The following SCN8A variants were observed in gnomAD, a reference collection of about 807,000 sequenced individuals.
SCN8A encodes the protein sodium voltage-gated channel alpha subunit 8, also known as sodium channel protein type 8 subunit alpha.
A neutral mutation model predicts 184.1 loss-of-function variants in SCN8A; 30 were observed. The observed-to-expected ratio is 0.16, with a 90% CI of 0.12 to 0.22. The LOEUF is 0.22. SCN8A is among the 10% of genes least tolerant of loss of function. The pLI is 1.00. For synonymous variants in SCN8A, 852 were observed against 907.0 expected, an observed-to-expected ratio of 0.94 and a Z score of 1.09; for missense variants, 1,057 against 2,498.9, an observed-to-expected ratio of 0.42 and a Z score of 12.30.
intron 12 of SCN8A, among the ~76,000 whole-genome samples, 153 bp from the exon 13 acceptor site, chr12:51,745,750 A>G (rs1476996309): frequency 6.6e-6 from 1 of 152,202 alleles, no homozygotes; most frequent in South Asian, 2.1e-4. Context: ...TAGCCAATTC[A>G]TTTCATTCTA....
At chr12:51,689,354 T>G in intron 6 of SCN8A, 1 of 407,840 alleles carries the variant, frequency 2.5e-6, no homozygotes. Flanking sequence ...TCTCACCATA[T>G]TTGAAAAAAT....
intron 6 of SCN8A, among the ~76,000 whole-genome samples, 175 bp from the exon 7 acceptor site, chr12:51,699,395 C>G (rs1941645743): frequency 6.6e-6 from 1 of 152,188 alleles, no homozygotes; most frequent in Non-Finnish European, 1.5e-5. Flanking sequence ...ATGGATACTT[C>G]TGGAATATTG....
rs1428529993 is a variant in SCN8A at position 51,810,292 on chromosome 12, ACT to A, written c.*2864_*2865del. On this transcript the variant is annotated 3_prime_UTR_variant, in exon 27 of 27. Transcript: ENST00000627620. ...TTTCCCACCTTTTTATCCTTCACCC[ACT>A]GTCCTTCCACCTGCTCACTCACTCA... 3.7e-6 allele frequency: 1 copy of A among 269,012 alleles called. No individual in the cohort carries two copies. The highest frequency in any genetic ancestry group is 7.8e-6 in the Non-Finnish European group (1 of 128,368). 16.7% of individuals were successfully genotyped at this position (269,012 alleles called of 1,614,324 possible).
intron 21 of SCN8A, among the ~76,000 whole-genome samples, chr12:51,781,662 G>GCA (rs767766702): frequency 3.4e-4 from 52 of 151,750 alleles, no homozygotes; most frequent in African/African-American, 7.5e-4. Context: ...GCACGCACGC[G>GCA]CACACACACA....
chr12:51,600,058 T>C (rs1939431286), intron 1 of SCN8A, among the ~76,000 whole-genome samples: 1 of 152,260 alleles, frequency 6.6e-6, no homozygotes. Context: ...TCTAATTTTC[T>C]AATTGTTTCT....
chr12:51,621,082 C>T (rs1180599188), intron 1 of SCN8A, among the ~76,000 whole-genome samples: 2 of 152,132 alleles, frequency 1.3e-5, no homozygotes, highest in Admixed American at 1.3e-4. Flanking sequence ...GTGGGGCTGG[C>T]TTTCTGGAAG....
intron 1 of SCN8A, among the ~76,000 whole-genome samples, chr12:51,632,414 C>T (rs1940215706): frequency 6.6e-6 from 1 of 152,152 alleles, no homozygotes; most frequent in Non-Finnish European, 1.5e-5. Flanking sequence ...TTGGGGCCTC[C>T]CTAGTTCTCC....
In SCN8A at chr12:51,810,487, A is replaced by G. The variant is rs1354242845; in HGVS notation, c.*3058A>G. On this transcript the variant is annotated 3_prime_UTR_variant, in exon 27 of 27. Transcript: ENST00000627620. ...TGCTTTGCCAAATATTAACGAAGCCAATCAAAGAGCAGCGCAGCCACAGTA... is the reference window on the plus strand; with the variant it reads ...TGCTTTGCCAAATATTAACGAAGCCGATCAAAGAGCAGCGCAGCCACAGTA... The G allele has an allele frequency of 1.8e-5, 8 of 440,224 alleles. No homozygotes were observed. Among genetic ancestry groups the G allele is most frequent in the Non-Finnish European group, 3.6e-5 (8 of 220,266 alleles). The allele number at this position is 440,224 out of a possible 1,614,324, so 27.3% of individuals were successfully genotyped here.
In SCN8A at chr12:51,605,020, C is replaced by T. The variant is rs1939556738; in HGVS notation, c.-55+13661C>T. The stretch of plus-strand genomic sequence containing the variant: ...CCTAACGTCCACCCTAAAGTAGGCC[C>T]AGGTGTCTGTTGTTCCCCTCTTCCT... On this transcript the variant is annotated intron_variant, in intron 1 of 26. Coordinates refer to ENST00000627620, the MANE Select transcript of SCN8A (RefSeq NM_001330260.2). 1.3e-5 allele frequency among the ~76,000 whole-genome samples: 2 copies of T among 152,108 alleles called. 1 individual carries two copies. Among genetic ancestry groups the T allele is most frequent in the Non-Finnish European group, 2.9e-5 (2 of 68,024 alleles).
intron 12 of SCN8A, chr12:51,722,708 G>C (rs527434010): frequency 6.6e-6 from 1 of 152,288 alleles, no homozygotes; most frequent in South Asian, 2.1e-4. Context: ...CATTTTATAT[G>C]GGGGAGGAAG....
chr12:51,702,457 A>C (rs560210179), intron 8 of SCN8A, among the ~76,000 whole-genome samples: 1 of 152,248 alleles, frequency 6.6e-6, no homozygotes, highest in African/African-American at 2.4e-5. Flanking sequence ...CATAAGAATC[A>C]CCTGGCATAC....
At chr12:51,685,826 C>G (rs1941410027) in intron 3 of SCN8A, among the ~76,000 whole-genome samples, 1 of 151,996 alleles carries the variant, frequency 6.6e-6, no homozygotes, top group Non-Finnish European at 1.5e-5. Context: ...CACTTGAGCC[C>G]AGGGCTTCAA....
At chr12:51,769,760 G>GGGGATGGCCATGGCT in intron 17 of SCN8A, 108 bp from the exon 18 acceptor site, 1 of 744,908 alleles carries the variant, frequency 1.3e-6, no homozygotes, top group Non-Finnish European at 2.3e-6. Context: ...AAGAATTCTA[G>GGGGATGGCCATGGCT]AGAGGAGTCA....
intron 12 of SCN8A, among the ~76,000 whole-genome samples, chr12:51,725,579 C>G (rs894805455): frequency 1.3e-5 from 2 of 152,114 alleles, no homozygotes; most frequent in African/African-American, 4.8e-5. Flanking sequence ...GCAGATGAGA[C>G]TCAGAGCGCT....
At chr12:51,656,432 G>A (rs374786177) in intron 1 of SCN8A, among the ~76,000 whole-genome samples, 169 of 152,072 alleles carry the variant, frequency 1.1e-3, no homozygotes, top group Non-Finnish European at 2.1e-3. Flanking sequence ...TAACATGAAG[G>A]AAAAGACTGA....
intron 12 of SCN8A, among the ~76,000 whole-genome samples, chr12:51,728,550 A>C (rs1299957598): frequency 2.0e-5 from 3 of 152,100 alleles, no homozygotes; most frequent in African/African-American, 7.2e-5. Flanking sequence ...CCTGGGCAAC[A>C]TAGTGAGACC....
At chr12:51,731,994 C>T (rs892856520) in intron 12 of SCN8A, among the ~76,000 whole-genome samples, 1 of 152,142 alleles carries the variant, frequency 6.6e-6, no homozygotes, top group African/African-American at 2.4e-5. Flanking sequence ...GGATAGTTTT[C>T]AGATATTTTC....
At chr12:51,782,757 C>G (rs377162896) in intron 21 of SCN8A, among the ~76,000 whole-genome samples, 7 of 152,306 alleles carry the variant, frequency 4.6e-5, no homozygotes, top group African/African-American at 1.7e-4. Flanking sequence ...ATTTGAATAA[C>G]CTGGATGCAG....
Position 51,808,001 on chromosome 12 carries a change from T to C in SCN8A, c.*572T>C, listed in dbSNP as rs936184695. 6.0e-6 allele frequency: 1 copy of C among 167,488 alleles called. No individual in the cohort carries two copies. The highest frequency in any genetic ancestry group is 5.4e-5 in the Admixed American group (1 of 18,402). The allele number at this position is 167,488 out of a possible 1,614,324, so 10.4% of individuals were successfully genotyped here. ...TTTGGAGATGGGTGGGGGAAAACAA[T>C]CAGGTTTCTTCAGGCTGAGGAGGAC... On this transcript the variant is annotated 3_prime_UTR_variant, in exon 27 of 27. Coordinates refer to ENST00000627620, the MANE Select transcript of SCN8A (RefSeq NM_001330260.2).
Sources: allele counts gnomAD v4.1 joint callset (sites outside exome capture counted in the v4.1 genomes callset), GRCh38; gene constraint gnomAD v4.1.1; transcripts MANE v1.5; gene names NCBI Gene and HGNC (gene_info 2026-07-23, HGNC 2026-07-21).